The following ISL1 variants were observed in gnomAD, a reference collection of about 807,000 sequenced individuals.
ISL1 encodes ISL LIM homeobox 1, also known as insulin gene enhancer protein ISL-1.
A neutral mutation model predicts 35.3 loss-of-function variants in ISL1; 4 were observed. The observed-to-expected ratio is 0.11, with a 90% CI of 0.06 to 0.26. ISL1 has a LOEUF of 0.26. Ranked by LOEUF, ISL1 falls within the 10% of genes least tolerant of loss-of-function variation. The pLI is 1.00. For missense variants in ISL1, 340 were observed against 472.8 expected, an observed-to-expected ratio of 0.72 and a Z score of 2.60; for synonymous variants, 186 against 172.3, an observed-to-expected ratio of 1.08 and a Z score of -0.62.
intron 4 of ISL1, among the ~76,000 whole-genome samples, chr5:51,390,642 CTTTTTTTTTTTTTTTTTTTT>C (rs57707586): frequency 2.2e-4 from 9 of 40,248 alleles, no homozygotes; most frequent in East Asian, 1.6e-3. Flanking sequence ...CTTTCTTTTT[CTTTTTTTTTTTTTTTTTTTT>C]TTTTTTTTTT....
chr5:51,392,862 A>G (rs566244894), intron 5 of ISL1, among the ~76,000 whole-genome samples: 1 of 152,292 alleles, frequency 6.6e-6, no homozygotes, highest in South Asian at 2.1e-4. Context: ...AAGGAGTCAG[A>G]TATTAGGGTT....
At chr5:51,386,512 C>T in intron 2 of ISL1, 1 of 448,036 alleles carries the variant, frequency 2.2e-6, no homozygotes, top group South Asian at 1.6e-5. Context: ...GGATCTTTTC[C>T]TCTCTCTTCC....
chr5:51,386,600 G>A (rs763429677), intron 2 of ISL1: 1 of 456,202 alleles, frequency 2.2e-6, no homozygotes, highest in South Asian at 1.5e-5. Context: ...GTGCAGCCTA[G>A]ATGGAACCTA....
In ISL1 at chr5:51,390,371, G is replaced by C. The variant is rs373876076; in HGVS notation, c.765+439G>C. On this transcript the variant is annotated intron_variant, in intron 4 of 5. Coordinates refer to ENST00000230658, the MANE Select transcript of ISL1 (RefSeq NM_002202.3). ...ATTCCTGCCTACATCCAGGGGTTCCGTGGGCAGGTCACCCTGTGAGCCCCC... is the reference window on the plus strand; with the variant it reads ...ATTCCTGCCTACATCCAGGGGTTCCCTGGGCAGGTCACCCTGTGAGCCCCC... Among the ~76,000 whole-genome samples the C allele has an allele frequency of 3.3e-5, 5 of 152,220 alleles. No homozygotes were observed. The East Asian group carries it at 7.8e-4, about 24-fold the overall frequency.
In ISL1 at chr5:51,393,735, G is replaced by C; in HGVS notation, c.*125G>C. 1 of 739,502 alleles carries C rather than the reference G, an allele frequency of 1.4e-6. No homozygotes were observed. The highest frequency in any genetic ancestry group is 2.5e-6 in the Non-Finnish European group (1 of 403,580). The allele number at this position is 739,502 out of a possible 1,614,324, so 45.8% of individuals were successfully genotyped here. On this transcript the variant is annotated 3_prime_UTR_variant, in exon 6 of 6. Coordinates refer to ENST00000230658, the MANE Select transcript of ISL1 (RefSeq NM_002202.3). ...CTGAATCAAGAAATGAATGCTCCAT[G>C]AAATGCACGAAGTCTGTTTTAATGA...
At chr5:51,390,044 AGT>A in intron 4 of ISL1, 112 bp downstream of exon 4, 3 of 1,304,990 alleles carry the variant, frequency 2.3e-6, no homozygotes, top group Non-Finnish European at 3.2e-6. Context: ...CCTGGGCAGG[AGT>A]TTGGCCGGGG....
intron 5 of ISL1, among the ~76,000 whole-genome samples, chr5:51,392,536 T>C (rs141587086): frequency 6.6e-6 from 1 of 152,320 alleles, no homozygotes; most frequent in Non-Finnish European, 1.5e-5. Flanking sequence ...TTGCAAATGC[T>C]AAGTGGGTGC....
At position 51,387,819 on chromosome 5, in the gene ISL1, A is replaced by G; in HGVS notation, c.478+70A>G. The G allele has an allele frequency of 6.3e-7, 1 of 1,589,386 alleles. No individual in the cohort carries two copies. The highest frequency in any genetic ancestry group is 8.6e-7 in the Non-Finnish European group (1 of 1,165,512). ...AGCCTGTGTGCCAGCGGCCACAACA[A>G]CTATGGTAGCTACAGGGGTGGTCGT... is the stretch of plus-strand genomic sequence containing the variant. On this transcript the variant is annotated intron_variant, in intron 3 of 5. Transcript: ENST00000230658. The surrounding 1 kb of genome is among the most constrained non-coding windows in gnomAD (Gnocchi z 4.3).
Position 51,383,590 on chromosome 5 carries a change from A to G in ISL1, c.-82A>G. ...AGGGGCCAATATTTCCCACTTAGCCACAGCTCCAGCATCCTCTCTGTGGGC... is the reference window on the plus strand; with the variant it reads ...AGGGGCCAATATTTCCCACTTAGCCGCAGCTCCAGCATCCTCTCTGTGGGC... On this transcript the variant is annotated 5_prime_UTR_variant, in exon 1 of 6. Transcript: ENST00000230658. 10 of 1,204,466 alleles carry G rather than the reference A, an allele frequency of 8.3e-6. No individual in the cohort carries two copies. The highest frequency in any genetic ancestry group is 1.2e-5 in the Non-Finnish European group (10 of 805,812). The allele number at this position is 1,204,466 out of a possible 1,614,324, so 74.6% of individuals were successfully genotyped here. A position where few individuals can be genotyped will look rare whatever the true frequency, so the allele number is the denominator to read the frequency against.
rs773464141 is a variant in ISL1, at chr5:51,387,579, A to G, written c.308A>G (p.Glu103Gly). The change falls in exon 3 of 6, where the codon GAG (glutamate) becomes GGG (glycine). Residue 103 changes from glutamate (E) to glycine (G), a missense_variant. By Grantham distance (98) the Glu-to-Gly change is moderately conservative. This residue lies in a region of ISL1 where 70 missense variants were observed against 130.3 expected (regional missense o/e 0.54). Transcript: ENST00000230658. The surrounding 1 kb of genome is among the most constrained non-coding windows in gnomAD (Gnocchi z 4.3). The stretch of plus-strand genomic sequence containing the variant: ...GCCCGCTCCAAGGTGTATCACATCG[A>G]GTGTTTCCGCTGTGTGGCCTGCAGC... The part of the protein sequence containing the change: ...MRARSKVYHI[E>G]CFRCVACSRQ... The G allele has an allele frequency of 6.2e-7, 1 of 1,614,190 alleles. No individual in the cohort carries two copies. The highest frequency in any genetic ancestry group is 8.5e-7 in the Non-Finnish European group (1 of 1,180,040).
Position 51,387,643 on chromosome 5 carries a change from G to C in ISL1, c.372G>C (p.Glu124Asp). Residue 124 changes from glutamate to aspartate, a missense_variant, in exon 3 of 6, where the codon GAG (glutamate) becomes GAC (aspartate). This residue lies in a region of ISL1 where 94 missense variants were observed against 102.1 expected (regional missense o/e 0.92). Transcript: ENST00000230658. The surrounding 1 kb of genome is among the most constrained non-coding windows in gnomAD (Gnocchi z 4.3). Reference sequence around the variant, plus strand: ...CTGGGGACGAATTTGCGCTTCGGGAGGACGGTCTCTTCTGCCGAGCAGACC... The same window carrying C: ...CTGGGGACGAATTTGCGCTTCGGGACGACGGTCTCTTCTGCCGAGCAGACC... Reference protein sequence around the residue: ...LIPGDEFALREDGLFCRADHD... With the variant: ...LIPGDEFALRDDGLFCRADHD... The C allele has an allele frequency of 6.2e-7, 1 of 1,614,250 alleles. No homozygotes were observed. Among genetic ancestry groups the C allele is most frequent in the Non-Finnish European group, 8.5e-7 (1 of 1,180,050 alleles).
chr5:51,385,765 C>G (rs1321232796), intron 2 of ISL1, among the ~76,000 whole-genome samples: 1 of 152,030 alleles, frequency 6.6e-6, no homozygotes, highest in South Asian at 2.1e-4. Flanking sequence ...TAAATAATAG[C>G]AAAATATCAC....
At chr5:51,386,534 T>G in intron 2 of ISL1, 1 of 453,924 alleles carries the variant, frequency 2.2e-6, no homozygotes, top group Non-Finnish European at 4.4e-6. Context: ...TTCTTTCTGT[T>G]CGTAGGAATG....
chr5:51,386,485 G>A (rs1049129232), intron 2 of ISL1: 7 of 435,234 alleles, frequency 1.6e-5, no homozygotes, highest in Non-Finnish European at 3.2e-5. Context: ...GAAGCAGGAT[G>A]CCTCCTCCTG....
rs199639357 is a variant in ISL1 at position 51,389,882 on chromosome 5, C to A, written c.715C>A (p.Arg239=). ...AAACAAGCGGTGCAAGGACAAGAAGCGAAGCATCATGATGAAGCAACTCCA... is the reference window on the plus strand; with the variant it reads ...AAACAAGCGGTGCAAGGACAAGAAGAGAAGCATCATGATGAAGCAACTCCA... ...FQNKRCKDKK[R]SIMMKQLQQQ... is the part of the protein sequence containing the mutation. The change falls in exon 4 of 6, where the codon CGA becomes AGA. Residue 239 remains arginine (R), a synonymous_variant. Transcript: ENST00000230658. The surrounding 1 kb of genome is among the most constrained non-coding windows in gnomAD (Gnocchi z 5.0). 9.2e-5 allele frequency: 149 copies of A among 1,614,188 alleles called. No homozygotes were observed. The highest frequency in any genetic ancestry group is 1.2e-4 in the Non-Finnish European group (141 of 1,180,036).
Position 51,384,695 on chromosome 5 carries a change from G to A in ISL1, c.183G>A (p.Arg61=), listed in dbSNP as rs1204747023. ...ACGAGAGCTGTACATGCTTTGTTAG[G>A]GATGGGAAAACCTACTGTAAAAGAG... is the stretch of plus-strand genomic sequence containing the variant. The part of the protein sequence containing the change: ...YLDESCTCFV[R]DGKTYCKRDY... Residue 61 remains arginine (R), a synonymous_variant, in exon 2 of 6, where the codon AGG becomes AGA. Coordinates refer to ENST00000230658, the MANE Select transcript of ISL1 (RefSeq NM_002202.3). The A allele has an allele frequency of 1.9e-6, 3 of 1,614,080 alleles. No individual in the cohort carries two copies. Among genetic ancestry groups the A allele is most frequent in the South Asian group, 1.1e-5 (1 of 91,082 alleles).
Position 51,387,609 on chromosome 5 carries a change from A to G in ISL1, c.338A>G (p.Gln113Arg). 2 of 1,614,240 alleles carry G rather than the reference A, an allele frequency of 1.2e-6. No homozygotes were observed. The highest frequency in any genetic ancestry group is 1.7e-6 in the Non-Finnish European group (2 of 1,180,054). ...ECFRCVACSR[Q>R]LIPGDEFALR... ...TTCCGCTGTGTGGCCTGCAGCCGCC[A>G]GCTCATCCCTGGGGACGAATTTGCG... The change falls in exon 3 of 6, where the codon CAG becomes CGG. Residue 113 changes from glutamine (Q) to arginine (R), a missense_variant. Physicochemically the swap from Gln to Arg is conservative, Grantham distance 43. Transcript: ENST00000230658. The surrounding 1 kb of genome is among the most constrained non-coding windows in gnomAD (Gnocchi z 4.3).
In ISL1 at chr5:51,387,541, C is replaced by T; in HGVS notation, c.270C>T (p.Asp90=). Residue 90 remains aspartate (D), a synonymous_variant, in exon 3 of 6, where the codon GAC becomes GAT. Coordinates refer to ENST00000230658, the MANE Select transcript of ISL1 (RefSeq NM_002202.3). The surrounding 1 kb of genome is among the most constrained non-coding windows in gnomAD (Gnocchi z 4.3). The part of the protein sequence containing the change: ...AKCSIGFSKN[D]FVMRARSKVY... ...GCAGCATCGGCTTCAGCAAGAACGA[C>T]TTCGTGATGCGTGCCCGCTCCAAGG... 1 of 1,614,240 alleles carries T rather than the reference C, an allele frequency of 6.2e-7. No homozygotes were observed. The highest frequency in any genetic ancestry group is 8.5e-7 in the Non-Finnish European group (1 of 1,180,048).
Position 51,393,695 on chromosome 5 carries a change from C to A in ISL1, c.*85C>A. ...ACTCTGAAACAAAAGTATTTAACGACCCAGTCAATGAAAACTGAATCAAGA... is the reference window on the plus strand; with the variant it reads ...ACTCTGAAACAAAAGTATTTAACGAACCAGTCAATGAAAACTGAATCAAGA... On this transcript the variant is annotated 3_prime_UTR_variant, in exon 6 of 6. Transcript: ENST00000230658. The A allele has an allele frequency of 5.8e-6, 5 of 869,118 alleles. No homozygotes were observed. The South Asian group carries it at 6.6e-5, about 11-fold the overall frequency. 53.8% of individuals were successfully genotyped at this position (869,118 alleles called of 1,614,324 possible). A position where few individuals can be genotyped will look rare whatever the true frequency, so the allele number is the denominator to read the frequency against.
Sources: gnomAD v4.1 joint callset for allele counts (sites outside exome capture counted in the v4.1 genomes callset) on GRCh38, gnomAD v4.1.1 for gene constraint, gnomAD v4.1.1 regional missense constraint, Gnocchi (gnomAD v3.1) non-coding constraint, MANE v1.5 for transcripts, NCBI Gene and HGNC (gene_info 2026-07-23, HGNC 2026-07-21) for gene names.